Variants in FMNL3 observed in about 807,000 individuals in gnomAD.
The protein encoded by FMNL3 is formin-like protein 3.
FMNL3 carries 57 observed loss-of-function variants against 119.6 expected under a neutral mutation model. That is an observed-to-expected ratio of 0.48 (90% CI 0.39 to 0.59). FMNL3 has a LOEUF of 0.59. Among genes scored for constraint, FMNL3 ranks in the 20% least tolerant of loss-of-function variants. The pLI is 0.00. For synonymous variants in FMNL3, 491 were observed against 507.3 expected (o/e 0.97, Z 0.43); for missense variants, 1,053 against 1,323.5 (o/e 0.80, Z 3.17).
In FMNL3 at chr12:49,689,737, A is replaced by C. The variant is rs555542535; in HGVS notation, c.126+17318T>G. ...TCAAAAAAATAAGAAATGTTCAGACAAAACTCAGTGTGTACTGGCCATCTG... is the reference window on the plus strand; with the variant it reads ...TCAAAAAAATAAGAAATGTTCAGACCAAACTCAGTGTGTACTGGCCATCTG... On this transcript the variant is annotated intron_variant, in intron 1 of 25. Coordinates refer to ENST00000335154, the MANE Select transcript of FMNL3 (RefSeq NM_175736.5). 1.1e-4 allele frequency among the ~76,000 whole-genome samples: 16 copies of C among 152,304 alleles called. No homozygotes were observed. In the South Asian group the frequency reaches 3.3e-3, roughly 32 times the overall value.
At chr12:49,654,466 A>T (rs917589927) in intron 10 of FMNL3, among the ~76,000 whole-genome samples, 164 bp from the exon 11 acceptor site, 4 of 152,244 alleles carry the variant, frequency 2.6e-5, no homozygotes, top group Non-Finnish European at 4.4e-5. Context: ...TTTTAATTTT[A>T]AAAATGTCAT....
rs573314221 is a variant in FMNL3, at chr12:49,636,643, A to G, written c.*9172T>C. On this transcript the variant is annotated 3_prime_UTR_variant, in exon 26 of 26. Transcript: ENST00000335154. ...GCACCTGTAGGACAGCATCGTTGAA[A>G]CATTAGGGGTGCTGGGGTCTGAGAG... is the stretch of plus-strand genomic sequence containing the variant. The G allele has an allele frequency of 3.8e-6, 6 of 1,595,212 alleles. No homozygotes were observed. The highest frequency in any genetic ancestry group is 5.1e-6 in the Non-Finnish European group (6 of 1,165,856).
intron 4 of FMNL3, among the ~76,000 whole-genome samples, 189 bp downstream of exon 4, chr12:49,665,643 C>A (rs1463083336): frequency 6.6e-6 from 1 of 152,182 alleles, no homozygotes; most frequent in Non-Finnish European, 1.5e-5. Context: ...GCTGGCAGAG[C>A]TGAGGGGGTA....
intron 4 of FMNL3, among the ~76,000 whole-genome samples, chr12:49,663,976 C>G (rs1285655459): frequency 2.6e-5 from 4 of 152,100 alleles, no homozygotes; most frequent in African/African-American, 9.7e-5. Context: ...AGGCCAGGCA[C>G]GGTGGCTCAC....
At chr12:49,668,622 G>A in intron 1 of FMNL3, 68 bp from the exon 2 acceptor site, 5 of 1,396,382 alleles carry the variant, frequency 3.6e-6, no homozygotes, top group Admixed American at 1.7e-5. Context: ...AGACTAGACT[G>A]CCCACACCTT....
intron 12 of FMNL3, 149 bp downstream of exon 12, chr12:49,653,576 G>A: frequency 2.6e-6 from 3 of 1,162,032 alleles, no homozygotes; most frequent in Middle Eastern, 2.9e-4. Context: ...ATGATCCAGT[G>A]GCTCAGGCCT....
chr12:49,665,629 A>G (rs1397873228), intron 4 of FMNL3, among the ~76,000 whole-genome samples: 1 of 152,224 alleles, frequency 6.6e-6, no homozygotes, highest in Non-Finnish European at 1.5e-5. Context: ...ACATCTAGTC[A>G]GCAGCTGGCA....
Position 49,640,467 on chromosome 12 carries a change from C to T in FMNL3, c.*5348G>A, listed in dbSNP as rs1261356708. The T allele has an allele frequency of 2.0e-5, 3 of 152,220 alleles. No individual in the cohort carries two copies. The highest frequency in any genetic ancestry group is 6.5e-5 in the Admixed American group (1 of 15,276). 9.4% of individuals were successfully genotyped at this position (152,220 alleles called of 1,614,324 possible). ...GTTGAAGAAGTAAGTGGTAGAGGCA[C>T]TGAGGACCAGATGAGTGAGGACAAA... On this transcript the variant is annotated 3_prime_UTR_variant, in exon 26 of 26. Transcript: ENST00000335154.
intron 9 of FMNL3, 32 bp downstream of exon 9, chr12:49,656,371 AC>A: frequency 6.6e-7 from 1 of 1,515,006 alleles, no homozygotes; most frequent in Non-Finnish European, 9.1e-7. Flanking sequence ...CCCCGCAAAC[AC>A]ACACACACAC....
intron 4 of FMNL3, 145 bp downstream of exon 4, chr12:49,665,687 G>T: frequency 1.2e-6 from 1 of 801,332 alleles, no homozygotes; most frequent in Non-Finnish European, 2.1e-6. Context: ...CAAAGCTCTG[G>T]GGAGCCAGAA....
rs528094452 is a variant in FMNL3 at position 49,656,855 on chromosome 12, C to T, written c.759G>A (p.Glu253=). 9.2e-5 allele frequency: 149 copies of T among 1,614,082 alleles called. No homozygotes were observed. In the Admixed American group the frequency reaches 2.3e-3, roughly 25 times the overall value. ...LVMSHPHAVN[E]IALSLNNKNP... is the part of the protein sequence containing the mutation. ...TCTTGTTATTGAGGCTAAGTGCAATCTCATTGACAGCATGGGGGTGGGACA... is the reference window on the plus strand; with the variant it reads ...TCTTGTTATTGAGGCTAAGTGCAATTTCATTGACAGCATGGGGGTGGGACA... Residue 253 remains glutamate (E), a synonymous_variant, in exon 8 of 26, where the codon GAG becomes GAA. Coordinates refer to ENST00000335154, the MANE Select transcript of FMNL3 (RefSeq NM_175736.5).
At chr12:49,687,759 T>A (rs1350386366) in intron 1 of FMNL3, among the ~76,000 whole-genome samples, 1 of 152,200 alleles carries the variant, frequency 6.6e-6, no homozygotes, top group Non-Finnish European at 1.5e-5. Flanking sequence ...CAAAGATTTT[T>A]AAACTCTGCT....
Position 49,686,336 on chromosome 12 carries a change from C to A in FMNL3, c.127-17782G>T, listed in dbSNP as rs148054719. On this transcript the variant is annotated intron_variant, in intron 1 of 25. Coordinates refer to ENST00000335154, the MANE Select transcript of FMNL3 (RefSeq NM_175736.5). ...GTGGCTCACACCTGTAATCCCAGCA[C>A]TTTGGGAGGCCGACGCAGGCGGATC... Among the ~76,000 whole-genome samples, 396 of 150,718 alleles carry A rather than the reference C, an allele frequency of 2.6e-3. 2 individuals are homozygous for A. The highest frequency in any genetic ancestry group is 9.1e-3 in the African/African-American group (374 of 41,282).
intron 1 of FMNL3, among the ~76,000 whole-genome samples, chr12:49,674,616 C>T (rs1239651606): frequency 6.6e-6 from 1 of 152,196 alleles, no homozygotes; most frequent in African/African-American, 2.4e-5. Flanking sequence ...GCTTAGGTAC[C>T]ACATGACAAA....
At chr12:49,690,680 A>T (rs548002588) in intron 1 of FMNL3, among the ~76,000 whole-genome samples, 2 of 152,212 alleles carry the variant, frequency 1.3e-5, no homozygotes, top group Non-Finnish European at 2.9e-5. Flanking sequence ...GCAAAGGAGA[A>T]CTTGTTCGGT....
In FMNL3 at chr12:49,642,803, A is replaced by C. The variant is rs1942852656; in HGVS notation, c.*3012T>G. On this transcript the variant is annotated 3_prime_UTR_variant, in exon 26 of 26. Coordinates refer to ENST00000335154, the MANE Select transcript of FMNL3 (RefSeq NM_175736.5). The surrounding 1 kb of genome is among the most constrained non-coding windows in gnomAD (Gnocchi z 5.8). ...GGCCAGCTAAGGAAGGGGAGGCCTGAGGATCCCTGGGATAGGCAGAAGGCT... is the reference window on the plus strand; with the variant it reads ...GGCCAGCTAAGGAAGGGGAGGCCTGCGGATCCCTGGGATAGGCAGAAGGCT... 1 of 1,425,244 alleles carries C rather than the reference A, an allele frequency of 7.0e-7. No individual in the cohort carries two copies. The highest frequency in any genetic ancestry group is 1.4e-5 in the African/African-American group (1 of 70,262). 88.3% of individuals were successfully genotyped at this position (1,425,244 alleles called of 1,614,324 possible).
rs764221201 is a variant in FMNL3, at chr12:49,652,032, C to T, written c.1504G>A (p.Asp502Asn). ...AELSEGMPPS[D>N]LDLLAPAPPP... ...GGGGCTGGAGCCAGAAGGTCCAGGT[C>T]GGAGGGTGGCATGCCCTCACTCAGC... is the stretch of plus-strand genomic sequence containing the variant. The change falls in exon 14 of 26, where the codon GAC (aspartate) becomes AAC (asparagine). Residue 502 changes from aspartate (D) to asparagine (N), a missense_variant. This residue lies in a region of FMNL3 where 445 missense variants were observed against 628.4 expected (regional missense o/e 0.71). Transcript: ENST00000335154. 16 of 1,608,984 alleles carry T rather than the reference C, an allele frequency of 9.9e-6. No individual in the cohort carries two copies. The East Asian group carries it at 1.8e-4, about 18-fold the overall frequency.
In FMNL3 at chr12:49,665,816, G is replaced by T. The variant is rs763162131; in HGVS notation, c.368+16C>A. 1.2e-6 allele frequency: 2 copies of T among 1,613,824 alleles called. No homozygotes were observed. The highest frequency in any genetic ancestry group is 1.3e-5 in the African/African-American group (1 of 74,926). Reference sequence around the variant, plus strand: ...CTGGGGCCAGATGAAGAGGCTATACGGCCAATCCAACTCACCCAATGTGGT... The same window carrying T: ...CTGGGGCCAGATGAAGAGGCTATACTGCCAATCCAACTCACCCAATGTGGT... On this transcript the variant is annotated intron_variant, in intron 4 of 25. Coordinates refer to ENST00000335154, the MANE Select transcript of FMNL3 (RefSeq NM_175736.5).
chr12:49,678,245 C>T (rs1250266177), intron 1 of FMNL3, among the ~76,000 whole-genome samples: 1 of 151,620 alleles, frequency 6.6e-6, no homozygotes, highest in Admixed American at 6.6e-5. Context: ...ACAACCTCTG[C>T]CTCCCGGGTT....
Sources: gnomAD v4.1 joint callset for allele counts (sites outside exome capture counted in the v4.1 genomes callset) on GRCh38, gnomAD v4.1.1 for gene constraint, gnomAD v4.1.1 regional missense constraint, Gnocchi (gnomAD v3.1) non-coding constraint, MANE v1.5 for transcripts, NCBI Gene and HGNC (gene_info 2026-07-23, HGNC 2026-07-21) for gene names.